Variants in SNX31 observed in about 807,000 individuals in gnomAD.
SNX31 encodes sorting nexin-31.
Under a neutral mutation model 65.4 loss-of-function variants are expected in SNX31, and 58 were observed. That is an observed-to-expected ratio of 0.89 (90% CI 0.72 to 1.10). The LOEUF is 1.10. Ranked by LOEUF, SNX31 falls within the 50% of genes least tolerant of loss-of-function variation. The probability of loss-of-function intolerance (pLI) is 0.00; values close to 1 mark genes in which losing one functional copy is unlikely to be tolerated. For synonymous variants in SNX31, 181 were observed against 190.1 expected (o/e 0.95, Z 0.39); for missense variants, 523 against 529.7 (o/e 0.99, Z 0.12).
intron 1 of SNX31, among the ~76,000 whole-genome samples, chr8:100,657,452 CAAAA>C (rs34516016): frequency 9.8e-6 from 1 of 102,426 alleles, no homozygotes. Context: ...AACTCCAACT[CAAAA>C]AAAAAAAAAG....
chr8:100,648,170 C>G lies in SNX31; in HGVS notation c.141+1104G>C, dbSNP rs1411611813. Reference sequence around the variant, plus strand: ...ACAATTTAATAGCAGAAAAAACAAACTAAGCTGTCGGTCAACAGAAGATGG... The same window carrying G: ...ACAATTTAATAGCAGAAAAAACAAAGTAAGCTGTCGGTCAACAGAAGATGG... On this transcript the variant is annotated intron_variant, in intron 2 of 13. Transcript: ENST00000311812. This position sits in a 1 kb window ranked among gnomAD's most constrained non-coding sequence, Gnocchi z 4.3. 6.6e-6 allele frequency among the ~76,000 whole-genome samples: 1 copy of G among 152,128 alleles called. No individual in the cohort carries two copies. Among genetic ancestry groups the G allele is most frequent in the Non-Finnish European group, 1.5e-5 (1 of 68,032 alleles).
intron 12 of SNX31, among the ~76,000 whole-genome samples, chr8:100,580,082 A>C (rs1813359814): frequency 6.6e-6 from 1 of 151,148 alleles, no homozygotes; most frequent in African/African-American, 2.4e-5. Flanking sequence ...TGATGGCTTT[A>C]ACTTGGGAGG....
chr8:100,624,005 G>A (rs1448130217), intron 4 of SNX31, among the ~76,000 whole-genome samples: 1 of 151,866 alleles, frequency 6.6e-6, no homozygotes, highest in Non-Finnish European at 1.5e-5. Context: ...CAGTTGGGGG[G>A]GAGGTGGGGG....
rs1813023957 is a variant in SNX31, at chr8:100,576,079, C to G, written c.1227+940G>C. 6.6e-6 allele frequency among the ~76,000 whole-genome samples: 1 copy of G among 152,202 alleles called. No individual in the cohort carries two copies. The highest frequency in any genetic ancestry group is 2.1e-4 in the South Asian group (1 of 4,830). ...TGCCTAATGACACATAGCCAGTAAGCAGTGGAGTTCCTATCTCGTCTCTCT... is the reference window on the plus strand; with the variant it reads ...TGCCTAATGACACATAGCCAGTAAGGAGTGGAGTTCCTATCTCGTCTCTCT... On this transcript the variant is annotated intron_variant, in intron 13 of 13. Coordinates refer to ENST00000311812, the MANE Select transcript of SNX31 (RefSeq NM_152628.4). This position sits in a 1 kb window ranked among gnomAD's most constrained non-coding sequence, Gnocchi z 4.8.
upstream of SNX31, among the ~76,000 whole-genome samples, chr8:100,652,079 T>C (rs192125980): frequency 4.6e-5 from 7 of 152,198 alleles, no homozygotes; most frequent in East Asian, 3.9e-4. Context: ...CCCGGGTTCA[T>C]GCCATTCTCC....
chr8:100,605,796 T>C (rs1816097911), intron 8 of SNX31, among the ~76,000 whole-genome samples: 1 of 152,218 alleles, frequency 6.6e-6, no homozygotes, highest in Non-Finnish European at 1.5e-5. Flanking sequence ...AAAAGTCACA[T>C]TATGATGCTC....
chr8:100,659,352 A>G (rs1786347), intron 1 of SNX31, among the ~76,000 whole-genome samples: 1 of 87,486 alleles, frequency 1.1e-5, no homozygotes, highest in Admixed American at 1.5e-4. Context: ...AAACTCCATC[A>G]CAAAAAAAAA....
chr8:100,649,690 C>G, upstream of SNX31: 1 of 532,418 alleles, frequency 1.9e-6, no homozygotes, highest in East Asian at 3.6e-5. Flanking sequence ...GGCCGGGCCG[C>G]GCCGCCTCCC....
In SNX31 at chr8:100,612,950, G is replaced by C. The variant is rs1816844885; in HGVS notation, c.523+45C>G. 2.6e-6 allele frequency: 4 copies of C among 1,555,860 alleles called. No homozygotes were observed. In the East Asian group the frequency reaches 9.0e-5, roughly 35 times the overall value. On this transcript the variant is annotated intron_variant, in intron 6 of 13. Coordinates refer to ENST00000311812, the MANE Select transcript of SNX31 (RefSeq NM_152628.4). This position sits in a 1 kb window ranked among gnomAD's most constrained non-coding sequence, Gnocchi z 4.3. The stretch of plus-strand genomic sequence containing the variant: ...CTCCTATGAGCCCCTGCTCACACCT[G>C]TCCACCCCATCTCCTAGCTGATTCA...
chr8:100,641,251 T>C (rs1819154240), intron 2 of SNX31, among the ~76,000 whole-genome samples: 1 of 152,062 alleles, frequency 6.6e-6, no homozygotes, highest in East Asian at 1.9e-4. Flanking sequence ...TTAAAGTACC[T>C]GCCAGTTGGC....
chr8:100,644,464 T>C (rs1819488188), intron 2 of SNX31, among the ~76,000 whole-genome samples: 1 of 126,220 alleles, frequency 7.9e-6, no homozygotes, highest in Admixed American at 8.4e-5. Flanking sequence ...GTTTTGTTTA[T>C]CTAAAGGCAC....
chr8:100,653,858 T>A (rs1820014325), upstream of SNX31, among the ~76,000 whole-genome samples: 2 of 152,202 alleles, frequency 1.3e-5, no homozygotes, highest in Admixed American at 1.3e-4. Flanking sequence ...AAGGAGACAG[T>A]GTCCTGCAAT....
intron 4 of SNX31, chr8:100,618,605 CCAGCTGACT>C: frequency 1.9e-6 from 1 of 528,272 alleles, no homozygotes; most frequent in Non-Finnish European, 3.3e-6. Flanking sequence ...ACATTTCTGC[CCAGCTGACT>C]ACAAATTCTG....
chr8:100,658,037 G>A (rs1221028664), intron 1 of SNX31, among the ~76,000 whole-genome samples: 1 of 152,152 alleles, frequency 6.6e-6, no homozygotes, highest in Non-Finnish European at 1.5e-5. Flanking sequence ...GACTGACCAT[G>A]GGAATCATCT....
chr8:100,595,108 A>T (rs1814948161), intron 10 of SNX31, among the ~76,000 whole-genome samples: 1 of 152,256 alleles, frequency 6.6e-6, no homozygotes, highest in South Asian at 2.1e-4. Context: ...TTTAAGATAC[A>T]TGTGAAACAT....
At chr8:100,595,028 CA>C (rs1394779361) in intron 10 of SNX31, among the ~76,000 whole-genome samples, 2 of 152,106 alleles carry the variant, frequency 1.3e-5, no homozygotes, top group Non-Finnish European at 2.9e-5. Flanking sequence ...TTATGCAGAG[CA>C]AAAATGAGCC....
At chr8:100,641,545 CAA>C (rs1173913088) in intron 2 of SNX31, among the ~76,000 whole-genome samples, 2 of 10,258 alleles carry the variant, frequency 1.9e-4, no homozygotes, top group Non-Finnish European at 3.2e-4. Flanking sequence ...GACCTTGTCT[CAA>C]AAAAAAAAAA....
chr8:100,596,863 TGG>T, intron 9 of SNX31, 21 bp from the exon 10 acceptor site: 1 of 1,610,634 alleles, frequency 6.2e-7, no homozygotes, highest in Non-Finnish European at 8.5e-7. Context: ...GAGGGTGATG[TGG>T]GGGGAGGGGA....
Position 100,622,785 on chromosome 8 carries a change from CA to C in SNX31, c.322-5056del, listed in dbSNP as rs1159996584. 6.6e-6 allele frequency among the ~76,000 whole-genome samples: 1 copy of C among 152,156 alleles called. No individual in the cohort carries two copies. The highest frequency in any genetic ancestry group is 1.5e-5 in the Non-Finnish European group (1 of 68,018). Reference sequence around the variant, plus strand: ...AGCCCTCGACTGCATACTTATCCTACAGATATGTAAGAAGAGAATATTAAGG... The same window carrying C: ...AGCCCTCGACTGCATACTTATCCTACGATATGTAAGAAGAGAATATTAAGG... On this transcript the variant is annotated intron_variant, in intron 4 of 13. Transcript: ENST00000311812. The surrounding 1 kb of genome is among the most constrained non-coding windows in gnomAD (Gnocchi z 5.0).
Sources: allele counts gnomAD v4.1 joint callset (sites outside exome capture counted in the v4.1 genomes callset), GRCh38; gene constraint gnomAD v4.1.1; non-coding constraint Gnocchi (gnomAD v3.1); transcripts MANE v1.5; gene names NCBI Gene and HGNC (gene_info 2026-07-23, HGNC 2026-07-21).